GRID2: variants seen among roughly 807,000 people sequenced by gnomAD.
GRID2 encodes glutamate ionotropic receptor delta type subunit 2.
Under a neutral mutation model 114.8 loss-of-function variants are expected in GRID2, and 33 were observed. The observed-to-expected ratio is 0.29, with a 90% CI of 0.22 to 0.38. The LOEUF is 0.38. Ranked by LOEUF, GRID2 falls within the 10% of genes least tolerant of loss-of-function variation. The pLI is 1.00. For synonymous variants in GRID2, 505 were observed against 449.9 expected (o/e 1.12, Z -1.55); for missense variants, 1,184 against 1,257.7 (o/e 0.94, Z 0.89).
intron 10 of GRID2, among the ~76,000 whole-genome samples, chr4:93,440,743 G>C (rs1391788484): frequency 6.6e-6 from 1 of 152,116 alleles, no homozygotes; most frequent in Non-Finnish European, 1.5e-5. Context: ...TTATGTAGAT[G>C]CAAATGACTT....
intron 11 of GRID2, 61 bp downstream of exon 11, chr4:93,456,035 A>G: frequency 1.0e-6 from 1 of 967,106 alleles, no homozygotes; most frequent in Admixed American, 1.8e-5. Flanking sequence ...TTCCAAAGCC[A>G]TGTATTCAGT....
At chr4:93,793,816 G>A (rs765664140) in intron 1 of GRID2, among the ~76,000 whole-genome samples, 34 of 152,190 alleles carry the variant, frequency 2.2e-4, no homozygotes, top group Admixed American at 5.2e-4. Flanking sequence ...TATGATGAAC[G>A]CTCTCTCTTC....
At chr4:93,468,588 G>A (rs1446573154) in intron 11 of GRID2, among the ~76,000 whole-genome samples, 1 of 152,060 alleles carries the variant, frequency 6.6e-6, no homozygotes, top group Non-Finnish European at 1.5e-5. Flanking sequence ...CAGGTATAGG[G>A]AAGTTCAAAA....
intron 13 of GRID2, among the ~76,000 whole-genome samples, chr4:93,594,423 A>G (rs1738800189): frequency 6.6e-6 from 1 of 152,198 alleles, no homozygotes; most frequent in Non-Finnish European, 1.5e-5. Flanking sequence ...TCAGATCTCC[A>G]GCTGCGTACT....
At chr4:93,163,354 GTGTATA>G (rs1737875795) in intron 4 of GRID2, among the ~76,000 whole-genome samples, 2 of 28,506 alleles carry the variant, frequency 7.0e-5, no homozygotes, top group African/African-American at 2.0e-4. Context: ...TTTTTTTTTT[GTGTATA>G]TATATATATA....
intron 1 of GRID2, among the ~76,000 whole-genome samples, chr4:92,453,200 A>C (rs1289037226): frequency 6.6e-6 from 1 of 152,134 alleles, no homozygotes; most frequent in Admixed American, 6.6e-5. Flanking sequence ...ACCATCAAAC[A>C]TTGAAGCAGT....
In GRID2 at chr4:92,338,182, A is replaced by C. The variant is rs182088091; in HGVS notation, c.88+33438A>C. On this transcript the variant is annotated intron_variant, in intron 1 of 15. Coordinates refer to ENST00000282020, the MANE Select transcript of GRID2 (RefSeq NM_001510.4). ...GAAAAAACAAAAGCACAATAAGGAA[A>C]GTGCTGAGCATGTTTTAGAGAAATT... Among the ~76,000 whole-genome samples, 29 of 152,312 alleles carry C rather than the reference A, an allele frequency of 1.9e-4. 1 individual carries two copies. In the East Asian group the frequency reaches 4.2e-3, roughly 22 times the overall value.
chr4:93,159,358 A>G (rs1737470314), intron 4 of GRID2, among the ~76,000 whole-genome samples: 2 of 151,838 alleles, frequency 1.3e-5, no homozygotes, highest in Admixed American at 1.3e-4. Flanking sequence ...TAGTGCTGAG[A>G]AAAGCAACAT....
chr4:92,793,945 C>G (rs777068460), intron 2 of GRID2, among the ~76,000 whole-genome samples: 2 of 151,788 alleles, frequency 1.3e-5, no homozygotes, highest in Non-Finnish European at 2.9e-5. Flanking sequence ...CATTGACATT[C>G]AATTGGTTAC....
chr4:93,225,409 T>A (rs1476424373), intron 7 of GRID2, among the ~76,000 whole-genome samples: 5 of 152,222 alleles, frequency 3.3e-5, no homozygotes, highest in Admixed American at 1.3e-4. Flanking sequence ...TTTATTAGAC[T>A]CTTTGTCATG....
chr4:92,490,319 T>C (rs1723090922), intron 1 of GRID2, among the ~76,000 whole-genome samples: 1 of 152,120 alleles, frequency 6.6e-6, no homozygotes, highest in Non-Finnish European at 1.5e-5. Context: ...GAAGAAAAAA[T>C]TATAGGTATC....
chr4:92,874,511 A>G (rs1022326423), intron 2 of GRID2, among the ~76,000 whole-genome samples: 10 of 152,186 alleles, frequency 6.6e-5, no homozygotes, highest in Non-Finnish European at 1.2e-4. Flanking sequence ...ATTGGGTTCA[A>G]TATGACTTTT....
At chr4:92,509,752 C>A (rs913283357) in intron 1 of GRID2, among the ~76,000 whole-genome samples, 6 of 151,824 alleles carry the variant, frequency 4.0e-5, no homozygotes, top group Admixed American at 3.3e-4. Context: ...GAGTAAAGAG[C>A]ATTGTGGCTC....
At chr4:92,611,939 C>T (rs979795522) in intron 2 of GRID2, among the ~76,000 whole-genome samples, 1 of 151,128 alleles carries the variant, frequency 6.6e-6, no homozygotes, top group Admixed American at 6.6e-5. Flanking sequence ...TCTACTAGTC[C>T]ATGATTTTCC....
At chr4:93,571,962 T>C (rs1578288225) in intron 13 of GRID2, among the ~76,000 whole-genome samples, 1 of 152,050 alleles carries the variant, frequency 6.6e-6, no homozygotes, top group East Asian at 1.9e-4. Context: ...GCAGAAAAGG[T>C]TTCATGATAT....
chr4:92,621,899 A>G (rs1579703554), intron 2 of GRID2, among the ~76,000 whole-genome samples: 1 of 151,830 alleles, frequency 6.6e-6, no homozygotes, highest in East Asian at 1.9e-4. Flanking sequence ...TTCTGAAGAA[A>G]GAGAAAAAAT....
intron 10 of GRID2, among the ~76,000 whole-genome samples, chr4:93,438,296 G>A (rs945581580): frequency 5.3e-5 from 8 of 152,122 alleles, no homozygotes; most frequent in African/African-American, 1.7e-4. Flanking sequence ...TGGCAACCCA[G>A]GGGCCGAATG....
chr4:93,202,476 T>C (rs1742214223), intron 4 of GRID2, among the ~76,000 whole-genome samples: 2 of 152,272 alleles, frequency 1.3e-5, no homozygotes, highest in South Asian at 2.1e-4. Flanking sequence ...TTAGAAGATA[T>C]GCTAAATAGA....
intron 13 of GRID2, among the ~76,000 whole-genome samples, chr4:93,540,930 T>C (rs1297002160): frequency 6.6e-6 from 1 of 152,180 alleles, no homozygotes; most frequent in Non-Finnish European, 1.5e-5. Flanking sequence ...AGGCCCTTTC[T>C]TAAACATATT....
Sources: allele counts gnomAD v4.1 joint callset (sites outside exome capture counted in the v4.1 genomes callset), GRCh38; gene constraint gnomAD v4.1.1; transcripts MANE v1.5; gene names NCBI Gene and HGNC (gene_info 2026-07-23, HGNC 2026-07-21).